Variants in TAOK3 observed in about 807,000 individuals in gnomAD.
The protein encoded by TAOK3 is TAO kinase 3.
Under a neutral mutation model 120.4 loss-of-function variants are expected in TAOK3, and 40 were observed. The ratio of observed to expected loss-of-function variants is 0.33; its 90% CI spans 0.26 to 0.43. The LOEUF (loss-of-function observed/expected upper bound fraction) is 0.43. Among genes scored for constraint, TAOK3 ranks in the 20% least tolerant of loss-of-function variants. The pLI is 1.00. For missense variants in TAOK3, 821 were observed against 1,112.1 expected (o/e 0.74, Z 3.72); for synonymous variants, 355 against 387.5 (o/e 0.92, Z 0.99).
chr12:118,256,480 C>G (rs2040993352), intron 2 of TAOK3, among the ~76,000 whole-genome samples: 1 of 152,070 alleles, frequency 6.6e-6, no homozygotes, highest in African/African-American at 2.4e-5. Context: ...CACCATTATT[C>G]ATAATAACCA....
intron 1 of TAOK3, among the ~76,000 whole-genome samples, chr12:118,314,394 A>G (rs1160481585): frequency 1.3e-5 from 2 of 152,240 alleles, no homozygotes; most frequent in African/African-American, 4.8e-5. Flanking sequence ...ATATTGAGTA[A>G]TAACTCTAAA....
chr12:118,176,697 T>A (rs113227670), intron 16 of TAOK3, among the ~76,000 whole-genome samples: 3,719 of 151,642 alleles, frequency 0.025, 131 homozygotes, highest in African/African-American at 0.079. Context: ...GATAAAAAAA[T>A]AAATAAATAA....
chr12:118,359,070 GAACTT>G (rs1249611658), intron 1 of TAOK3: 1 of 152,046 alleles, frequency 6.6e-6, no homozygotes, highest in Non-Finnish European at 1.5e-5. Flanking sequence ...AGAAAAAACT[GAACTT>G]AAGTTATAAG....
chr12:118,222,590 G>C (rs1350388221), intron 9 of TAOK3, among the ~76,000 whole-genome samples: 1 of 151,850 alleles, frequency 6.6e-6, no homozygotes, highest in African/African-American at 2.4e-5. Context: ...GTACTACTCA[G>C]ACAGAAAAAG....
At chr12:118,236,366 T>G (rs1015353481) in intron 7 of TAOK3, 1 of 152,140 alleles carries the variant, frequency 6.6e-6, no homozygotes, top group Non-Finnish European at 1.5e-5. Flanking sequence ...GAATTGCACG[T>G]GGTTACTACT....
chr12:118,189,535 GACACACACACACACACACACACACACAC>G (rs869285530), intron 14 of TAOK3, among the ~76,000 whole-genome samples: 2 of 132,290 alleles, frequency 1.5e-5, no homozygotes, highest in Admixed American at 7.7e-5. Flanking sequence ...CACAGACACA[GACACACACACACACACACACACACACAC>G]ACACACACAC....
chr12:118,317,116 A>G (rs1413784811), intron 1 of TAOK3, among the ~76,000 whole-genome samples: 1 of 151,914 alleles, frequency 6.6e-6, no homozygotes, highest in Non-Finnish European at 1.5e-5. Context: ...TACAAAAATT[A>G]GCTGGGTGTG....
At chr12:118,174,126 A>T (rs2036177253) in intron 16 of TAOK3, among the ~76,000 whole-genome samples, 1 of 152,182 alleles carries the variant, frequency 6.6e-6, no homozygotes, top group Non-Finnish European at 1.5e-5. Context: ...AATCACAAAA[A>T]TTTACTCCAA....
intron 1 of TAOK3, among the ~76,000 whole-genome samples, chr12:118,306,798 C>T (rs2043068026): frequency 6.6e-6 from 1 of 152,154 alleles, no homozygotes. Flanking sequence ...AACTTTTGCT[C>T]TCAGAGTTTG....
At chr12:118,331,715 T>C (rs537922250) in intron 1 of TAOK3, among the ~76,000 whole-genome samples, 121 of 148,004 alleles carry the variant, frequency 8.2e-4, no homozygotes, top group Admixed American at 2.6e-3. Context: ...AATTTAAAAA[T>C]GCATGTAAAA....
intron 19 of TAOK3, among the ~76,000 whole-genome samples, chr12:118,157,925 T>C (rs2034953360): frequency 6.6e-6 from 1 of 152,230 alleles, no homozygotes; most frequent in South Asian, 2.1e-4. Context: ...TTTCCTTCAT[T>C]GATGAGGATC....
intron 1 of TAOK3, among the ~76,000 whole-genome samples, chr12:118,287,815 A>G (rs2042319136): frequency 6.6e-6 from 1 of 152,130 alleles, no homozygotes; most frequent in African/African-American, 2.4e-5. Flanking sequence ...TAATTGTTCC[A>G]AAACCAAATA....
intron 8 of TAOK3, 62 bp downstream of exon 8, chr12:118,235,496 A>G (rs937881852): frequency 7.6e-7 from 1 of 1,312,296 alleles, no homozygotes; most frequent in African/African-American, 1.4e-5. Context: ...CCAAACCAGC[A>G]CCATAGTTGA....
intron 9 of TAOK3, among the ~76,000 whole-genome samples, chr12:118,218,901 C>T (rs971204898): frequency 2.0e-5 from 3 of 151,648 alleles, no homozygotes; most frequent in Non-Finnish European, 4.4e-5. Flanking sequence ...TGCAGTGAGC[C>T]GAGATCACAC....
intron 13 of TAOK3, among the ~76,000 whole-genome samples, chr12:118,197,084 A>G (rs2037766709): frequency 6.6e-6 from 1 of 152,192 alleles, no homozygotes; most frequent in Admixed American, 6.5e-5. Context: ...AAGATAACAT[A>G]TTTTAAAGCT....
At position 118,161,011 on chromosome 12, in the gene TAOK3, T is replaced by A. The variant is rs2035184428; in HGVS notation, c.2140-653A>T. Among the ~76,000 whole-genome samples, 1 of 152,206 alleles carries A rather than the reference T, an allele frequency of 6.6e-6. No homozygotes were observed. On this transcript the variant is annotated intron_variant, in intron 18 of 20. Transcript: ENST00000392533. This position sits in a 1 kb window ranked among gnomAD's most constrained non-coding sequence, Gnocchi z 4.5. The stretch of plus-strand genomic sequence containing the variant: ...GCATTTGGGCAAAGAGAAGGTAGAG[T>A]ATATTATTTTGAGCCCAGAAGGCAT...
At chr12:118,311,745 T>C (rs2784) in intron 1 of TAOK3, among the ~76,000 whole-genome samples, 14,518 of 152,244 alleles carry the variant, frequency 0.095, 869 homozygotes, top group Non-Finnish European at 0.13. Flanking sequence ...AGTTGTCATA[T>C]AGCAATGGAT....
chr12:118,294,652 G>A (rs924085944), intron 1 of TAOK3, among the ~76,000 whole-genome samples: 88 of 152,186 alleles, frequency 5.8e-4, no homozygotes, highest in African/African-American at 2.1e-3. Context: ...CCAAAGTGTT[G>A]GGATTACCTG....
At chr12:118,294,870 C>T (rs556081) in intron 1 of TAOK3, among the ~76,000 whole-genome samples, 42,293 of 151,716 alleles carry the variant, frequency 0.28, 5,978 homozygotes, top group Middle Eastern at 0.41. Flanking sequence ...TCAGAGTGAC[C>T]GGAAAAATGG....
Sources: allele counts gnomAD v4.1 joint callset (sites outside exome capture counted in the v4.1 genomes callset), GRCh38; gene constraint gnomAD v4.1.1; non-coding constraint Gnocchi (gnomAD v3.1); transcripts MANE v1.5; gene names NCBI Gene and HGNC (gene_info 2026-07-23, HGNC 2026-07-21).